Variants in CADM2 observed in about 807,000 individuals in gnomAD.
The protein encoded by CADM2 is immunoglobulin superfamily member 4D.
Under a neutral mutation model 49.8 loss-of-function variants are expected in CADM2, and 12 were observed. The observed-to-expected ratio is 0.24, with a 90% confidence interval of 0.15 to 0.39. The LOEUF (loss-of-function observed/expected upper bound fraction) is 0.39, where lower values mean the gene tolerates loss of function less well. CADM2 is among the 10% of genes least tolerant of loss of function. CADM2 has a pLI of 1.00. For synonymous variants in CADM2, 214 were observed against 175.4 expected (o/e 1.22, Z -1.74); for missense variants, 378 against 492.3 (o/e 0.77, Z 2.20).
At chr3:85,586,188 G>A (rs562906676) in intron 1 of CADM2, among the ~76,000 whole-genome samples, 2 of 152,170 alleles carry the variant, frequency 1.3e-5, no homozygotes, top group South Asian at 4.1e-4. Context: ...GTCTGCTACA[G>A]CACGGCCTGT....
At chr3:85,660,692 G>A (rs1274408155) in intron 1 of CADM2, among the ~76,000 whole-genome samples, 1 of 151,712 alleles carries the variant, frequency 6.6e-6, no homozygotes, top group African/African-American at 2.4e-5. Flanking sequence ...AAAGTATGGG[G>A]GAAAAATAGG....
chr3:85,215,151 T>C (rs899132702), intron 1 of CADM2, among the ~76,000 whole-genome samples: 16 of 151,816 alleles, frequency 1.1e-4, no homozygotes, highest in African/African-American at 3.9e-4. Flanking sequence ...TATTCAAGGC[T>C]CAGTGGCTCT....
chr3:85,347,634 T>TATATAC (rs1367336406), intron 1 of CADM2, among the ~76,000 whole-genome samples: 2 of 49,184 alleles, frequency 4.1e-5, no homozygotes, highest in Non-Finnish European at 1.2e-4. Flanking sequence ...TATATAAATA[T>TATATAC]ATATACATAT....
At chr3:85,360,070 A>C (rs1052589600) in intron 1 of CADM2, among the ~76,000 whole-genome samples, 4 of 151,904 alleles carry the variant, frequency 2.6e-5, no homozygotes, top group African/African-American at 9.7e-5. Flanking sequence ...TACAAAGATA[A>C]ATACAAAATA....
intron 1 of CADM2, among the ~76,000 whole-genome samples, chr3:85,718,872 T>C (rs976862265): frequency 1.4e-5 from 2 of 143,912 alleles, no homozygotes; most frequent in African/African-American, 5.2e-5. Flanking sequence ...ATAGAGGAAA[T>C]TAATGGTATT....
At chr3:85,777,271 T>TATTA (rs1559649921) in intron 2 of CADM2, among the ~76,000 whole-genome samples, 1 of 151,332 alleles carries the variant, frequency 6.6e-6, no homozygotes, top group Non-Finnish European at 1.5e-5. Flanking sequence ...TTATTATTAT[T>TATTA]TTGAGGTGGA....
At chr3:85,544,378 A>G (rs984419619) in intron 1 of CADM2, among the ~76,000 whole-genome samples, 9 of 152,162 alleles carry the variant, frequency 5.9e-5, no homozygotes, top group Admixed American at 5.2e-4. Context: ...GGAGATCGAC[A>G]CCATCCTGGC....
At chr3:85,524,232 A>G (rs1034617167) in intron 1 of CADM2, among the ~76,000 whole-genome samples, 14 of 151,992 alleles carry the variant, frequency 9.2e-5, no homozygotes, top group South Asian at 2.1e-4. Flanking sequence ...ATTAATTTCC[A>G]CACTGATCTT....
intron 1 of CADM2, among the ~76,000 whole-genome samples, chr3:85,280,149 C>G (rs2043465727): frequency 6.6e-6 from 1 of 151,656 alleles, no homozygotes; most frequent in African/African-American, 2.4e-5. Flanking sequence ...ACTTTAATCA[C>G]ATGCAAAAAC....
chr3:85,655,547 A>G (rs967995270), intron 1 of CADM2, among the ~76,000 whole-genome samples: 8 of 152,102 alleles, frequency 5.3e-5, no homozygotes, highest in African/African-American at 1.9e-4. Flanking sequence ...GGTGTTTCCT[A>G]CCTGGTAGGC....
At chr3:85,699,067 C>T (rs190908065) in intron 1 of CADM2, among the ~76,000 whole-genome samples, 141 of 152,298 alleles carry the variant, frequency 9.3e-4, no homozygotes, top group African/African-American at 3.2e-3. Context: ...GTTACAGGCT[C>T]ATGTAAATCC....
intron 8 of CADM2, among the ~76,000 whole-genome samples, chr3:86,043,848 G>T (rs1211602878): frequency 1.3e-5 from 2 of 152,096 alleles, no homozygotes; most frequent in Non-Finnish European, 2.9e-5. Context: ...GCATGGTAGT[G>T]GTACCAAAAC....
At chr3:85,211,788 G>A (rs546542737) in intron 1 of CADM2, among the ~76,000 whole-genome samples, 11 of 152,194 alleles carry the variant, frequency 7.2e-5, no homozygotes, top group African/African-American at 2.4e-4. Flanking sequence ...ATATCTGTTA[G>A]GTCTATATGC....
intron 3 of CADM2, among the ~76,000 whole-genome samples, chr3:85,869,727 C>T (rs555718389): frequency 2.0e-5 from 3 of 152,156 alleles, no homozygotes; most frequent in African/African-American, 4.8e-5. Context: ...GGCGCGATCT[C>T]GGCTCACGGC....
At chr3:85,897,601 A>T (rs1248147322) in intron 5 of CADM2, among the ~76,000 whole-genome samples, 2 of 151,996 alleles carry the variant, frequency 1.3e-5, no homozygotes, top group Non-Finnish European at 2.9e-5. Context: ...CTCTGGCCAT[A>T]TAACTCGATT....
At chr3:85,149,737 A>C (rs1230883839) in intron 1 of CADM2, among the ~76,000 whole-genome samples, 1 of 152,212 alleles carries the variant, frequency 6.6e-6, no homozygotes, top group Non-Finnish European at 1.5e-5. Context: ...AAAGAAAAAA[A>C]TATTAATAAA....
In CADM2 at chr3:85,437,927, G is replaced by A. The variant is rs2037008463; in HGVS notation, c.62-288595G>A. Among the ~76,000 whole-genome samples the A allele has an allele frequency of 3.3e-5, 5 of 151,760 alleles. No individual in the cohort carries two copies. The South Asian group carries it at 1.0e-3, about 31-fold the overall frequency. On this transcript the variant is annotated intron_variant, in intron 1 of 9. Coordinates refer to ENST00000383699, the MANE Select transcript of CADM2 (RefSeq NM_001167675.2). ...ATAAAAAGAGAACATTATCATTACA[G>A]AAAAGTTTACTGAAGAAAAGAAAAA...
chr3:85,216,680 T>A (rs747835846), intron 1 of CADM2, among the ~76,000 whole-genome samples: 1 of 152,012 alleles, frequency 6.6e-6, no homozygotes, highest in Non-Finnish European at 1.5e-5. Flanking sequence ...CAAAAGCATA[T>A]TAAGGAAATT....
chr3:85,165,981 A>G (rs1270973438), intron 1 of CADM2, among the ~76,000 whole-genome samples: 3 of 151,720 alleles, frequency 2.0e-5, no homozygotes, highest in African/African-American at 7.2e-5. Flanking sequence ...TCATTCTATA[A>G]AGCCACTTTA....
Sources: gnomAD v4.1 joint callset for allele counts (sites outside exome capture counted in the v4.1 genomes callset) on GRCh38, gnomAD v4.1.1 for gene constraint, MANE v1.5 for transcripts, NCBI Gene and HGNC (gene_info 2026-07-23, HGNC 2026-07-21) for gene names.